The following OCA2 variants were observed in gnomAD, a reference collection of about 807,000 sequenced individuals.
OCA2 encodes the protein P protein.
Under a neutral mutation model 100.2 loss-of-function variants are expected in OCA2, and 77 were observed. The ratio of observed to expected loss-of-function variants is 0.77; its 90% CI spans 0.64 to 0.93. The LOEUF (loss-of-function observed/expected upper bound fraction) is 0.93, where lower values mean the gene tolerates loss of function less well. Among genes scored for constraint, OCA2 ranks in the 40% least tolerant of loss-of-function variants. OCA2 has a pLI of 0.00. For synonymous variants in OCA2, 432 were observed against 439.2 expected (o/e 0.98, Z 0.21); for missense variants, 1,062 against 1,089.1 (o/e 0.98, Z 0.35).
At chr15:27,759,341 T>TG (rs879700390) in intron 23 of OCA2, among the ~76,000 whole-genome samples, 12 of 152,108 alleles carry the variant, frequency 7.9e-5, no homozygotes, top group Admixed American at 2.0e-4. Context: ...GAAGGAATCT[T>TG]GGAGTATCAG....
At chr15:27,876,060 T>C (rs1307694944) in intron 19 of OCA2, among the ~76,000 whole-genome samples, 1 of 152,098 alleles carries the variant, frequency 6.6e-6, no homozygotes, top group Non-Finnish European at 1.5e-5. Context: ...ACATTGACTG[T>C]TGAACGGAAA....
chr15:28,002,027 C>T (rs536342328), intron 9 of OCA2, among the ~76,000 whole-genome samples: 21 of 152,294 alleles, frequency 1.4e-4, no homozygotes, highest in East Asian at 9.7e-4. Context: ...GTCACTGACA[C>T]GGCAAACACT....
intron 14 of OCA2, among the ~76,000 whole-genome samples, chr15:27,975,192 A>T (rs2040927164): frequency 6.6e-6 from 1 of 152,250 alleles, no homozygotes; most frequent in Admixed American, 6.5e-5. Context: ...GTGTGTAAGA[A>T]ATACACCATG....
intron 23 of OCA2, among the ~76,000 whole-genome samples, chr15:27,817,434 G>A (rs1470667509): frequency 1.3e-5 from 2 of 152,162 alleles, no homozygotes; most frequent in Non-Finnish European, 2.9e-5. Context: ...ATGAAATGTT[G>A]AGTTTTCCCT....
At chr15:27,778,431 A>C (rs1044087376) in intron 23 of OCA2, among the ~76,000 whole-genome samples, 3 of 152,188 alleles carry the variant, frequency 2.0e-5, no homozygotes, top group African/African-American at 7.2e-5. Flanking sequence ...TCACTCCGAG[A>C]GGAGGTTTGG....
At chr15:28,010,082 C>T (rs2042198754) in intron 9 of OCA2, among the ~76,000 whole-genome samples, 1 of 151,048 alleles carries the variant, frequency 6.6e-6, no homozygotes, top group African/African-American at 2.4e-5. Context: ...CCATCTCAAG[C>T]AGCTAATGAA....
intron 19 of OCA2, among the ~76,000 whole-genome samples, chr15:27,885,006 A>C (rs1351022502): frequency 6.6e-6 from 1 of 152,190 alleles, no homozygotes; most frequent in Non-Finnish European, 1.5e-5. Context: ...CTTTACAGTG[A>C]ATGAACTTTC....
chr15:27,823,674 A>C (rs2871774), intron 23 of OCA2, among the ~76,000 whole-genome samples: 100,349 of 152,054 alleles, frequency 0.66, 34,057 homozygotes, highest in East Asian at 1. Flanking sequence ...CTGAGAAACA[A>C]CTTATTCAAT....
intron 21 of OCA2, among the ~76,000 whole-genome samples, chr15:27,869,670 G>A (rs75137181): frequency 0.016 from 2,369 of 152,326 alleles, 19 homozygotes; most frequent in Non-Finnish European, 0.022. Flanking sequence ...AGCTGTGAGC[G>A]CAGGGTCAGA....
At chr15:27,952,801 C>T (rs931645204) in intron 17 of OCA2, among the ~76,000 whole-genome samples, 21 of 152,126 alleles carry the variant, frequency 1.4e-4, no homozygotes, top group African/African-American at 5.1e-4. Context: ...ACCTCAGCCT[C>T]CCTCCCCAGT....
intron 9 of OCA2, among the ~76,000 whole-genome samples, chr15:27,998,542 A>G (rs2041823602): frequency 6.7e-6 from 1 of 149,074 alleles, no homozygotes; most frequent in Admixed American, 6.8e-5. Flanking sequence ...TAAAAAGTCA[A>G]GAAACAACAG....
intron 19 of OCA2, among the ~76,000 whole-genome samples, chr15:27,887,339 T>C (rs897232127): frequency 6.8e-5 from 10 of 147,194 alleles, no homozygotes; most frequent in East Asian, 6.4e-4. Flanking sequence ...CAACTCCCAA[T>C]ATAGCAAGAG....
the OCA2 span, among the ~76,000 whole-genome samples, chr15:27,722,780 TTCTC>T: frequency 3.8e-3 from 514 of 134,298 alleles, 5 homozygotes; most frequent in African/African-American, 0.014. Flanking sequence ...TTTTCTTTCT[TTCTC>T]TCTCTCTCTC....
intron 7 of OCA2, among the ~76,000 whole-genome samples, chr15:28,017,073 G>T (rs767580050): frequency 6.6e-6 from 1 of 151,362 alleles, no homozygotes; most frequent in Non-Finnish European, 1.5e-5. Flanking sequence ...CGGGGGGCGG[G>T]GGGGGACCCT....
intron 2 of OCA2, among the ~76,000 whole-genome samples, chr15:28,078,573 G>A (rs748969911): frequency 6.6e-5 from 10 of 152,174 alleles, no homozygotes; most frequent in Non-Finnish European, 1.2e-4. Flanking sequence ...CCATCCAACA[G>A]CCCAGGAAGA....
intron 19 of OCA2, among the ~76,000 whole-genome samples, chr15:27,916,787 C>A (rs887273711): frequency 3.3e-5 from 5 of 152,070 alleles, no homozygotes; most frequent in African/African-American, 1.2e-4. Context: ...AACTGTTTTC[C>A]AAAAAATAGA....
chr15:27,969,976 T>C (rs1377706561), intron 14 of OCA2, among the ~76,000 whole-genome samples: 1 of 151,062 alleles, frequency 6.6e-6, no homozygotes, highest in Non-Finnish European at 1.5e-5. Flanking sequence ...ATATGCATGG[T>C]GTAATTTGAA....
At chr15:27,963,037 G>A (rs965304439) in intron 15 of OCA2, among the ~76,000 whole-genome samples, 4 of 152,100 alleles carry the variant, frequency 2.6e-5, no homozygotes, top group African/African-American at 7.2e-5. Flanking sequence ...ATCATGGATC[G>A]CAAAGATTGT....
chr15:27,970,006 G>A (rs1160391510), intron 14 of OCA2, among the ~76,000 whole-genome samples: 1 of 152,058 alleles, frequency 6.6e-6, no homozygotes, highest in Non-Finnish European at 1.5e-5. Flanking sequence ...CTGTCTAGAT[G>A]GCCAGTAAGG....
Sources: gnomAD v4.1 joint callset for allele counts (sites outside exome capture counted in the v4.1 genomes callset) on GRCh38, gnomAD v4.1.1 for gene constraint, MANE v1.5 for transcripts, NCBI Gene and HGNC (gene_info 2026-07-23, HGNC 2026-07-21) for gene names.